PLEKHA5: variants seen among roughly 807,000 people sequenced by gnomAD.
PLEKHA5 encodes the protein pleckstrin homology domain-containing family A member 5.
Under a neutral mutation model 181.9 loss-of-function variants are expected in PLEKHA5, and 55 were observed. The ratio of observed to expected loss-of-function variants is 0.30; its 90% CI spans 0.24 to 0.38. PLEKHA5 has a LOEUF of 0.38. PLEKHA5 is among the 10% of genes least tolerant of loss of function. PLEKHA5 has a pLI of 1.00. For synonymous variants in PLEKHA5, 535 were observed against 529.4 expected (o/e 1.01, Z -0.15); for missense variants, 1,432 against 1,549.5 (o/e 0.92, Z 1.27).
chr12:19,266,491 A>G (rs1418425734), intron 8 of PLEKHA5, among the ~76,000 whole-genome samples: 1 of 152,042 alleles, frequency 6.6e-6, no homozygotes, highest in Non-Finnish European at 1.5e-5. Flanking sequence ...CTCAAAAAAA[A>G]ATTATTAATA....
chr12:19,274,487 T>C, intron 10 of PLEKHA5, 29 bp from the exon 11 acceptor site: 1 of 1,413,110 alleles, frequency 7.1e-7, no homozygotes, highest in Non-Finnish European at 9.9e-7. Flanking sequence ...TTTCATCTGA[T>C]TTACTATGAT....
At chr12:19,367,367 T>A (rs2095457702) in intron 30 of PLEKHA5, among the ~76,000 whole-genome samples, 1 of 144,138 alleles carries the variant, frequency 6.9e-6, no homozygotes, top group Non-Finnish European at 1.5e-5. Flanking sequence ...GCGATTCTCC[T>A]GCCTCAGCCT....
chr12:19,322,768 T>C (rs2091187945), intron 20 of PLEKHA5, 101 bp downstream of exon 20: 1 of 707,880 alleles, frequency 1.4e-6, no homozygotes, highest in African/African-American at 1.8e-5. Context: ...GATTCTTCTA[T>C]ATTATTATAG....
chr12:19,160,171 C>T (rs567915520), intron 3 of PLEKHA5, among the ~76,000 whole-genome samples: 23 of 151,738 alleles, frequency 1.5e-4, no homozygotes, highest in Admixed American at 3.3e-4. Context: ...TCTTTTATTT[C>T]TCTTAAAATG....
At position 19,219,217 on chromosome 12, in the gene PLEKHA5, A is replaced by G. The variant is rs547965285; in HGVS notation, c.228-34723A>G. ...TGCATATGCACTGATTTGGGTTTAC[A>G]CGGGGGTGATGATTTGGATATAGGC... On this transcript the variant is annotated intron_variant, in intron 3 of 31. Coordinates refer to ENST00000429027, the MANE Select transcript of PLEKHA5 (RefSeq NM_001256470.2). 1.6e-3 allele frequency among the ~76,000 whole-genome samples: 250 copies of G among 152,226 alleles called. 3 individuals carry two copies. The highest frequency in any genetic ancestry group is 3.4e-4 in the Non-Finnish European group (23 of 68,010).
intron 16 of PLEKHA5, 174 bp from the exon 17 acceptor site, chr12:19,319,847 T>C: frequency 2.2e-6 from 1 of 446,828 alleles, no homozygotes; most frequent in Non-Finnish European, 4.0e-6. Context: ...GATATTTAAG[T>C]ACACTGAATA....
intron 15 of PLEKHA5, among the ~76,000 whole-genome samples, chr12:19,309,372 A>T (rs1010435064): frequency 2.6e-5 from 4 of 151,920 alleles, no homozygotes; most frequent in Non-Finnish European, 4.4e-5. Flanking sequence ...GAAAAAAAAA[A>T]CTCATCTCTT....
intron 3 of PLEKHA5, among the ~76,000 whole-genome samples, chr12:19,190,601 G>A (rs1030445555): frequency 7.9e-5 from 12 of 152,224 alleles, no homozygotes; most frequent in African/African-American, 2.9e-4. Context: ...TGAAAGCCCA[G>A]CATATCTAAT....
intron 30 of PLEKHA5, among the ~76,000 whole-genome samples, chr12:19,368,516 G>C (rs2095493861): frequency 6.6e-6 from 1 of 152,016 alleles, no homozygotes; most frequent in Admixed American, 6.6e-5. Context: ...TAAATAGCCA[G>C]GCACAGTGGC....
chr12:19,145,472 G>C (rs2038681900), intron 3 of PLEKHA5, among the ~76,000 whole-genome samples: 1 of 151,942 alleles, frequency 6.6e-6, no homozygotes, highest in African/African-American at 2.4e-5. Context: ...TTCTTTCTTT[G>C]CATGTACATA....
intron 29 of PLEKHA5, among the ~76,000 whole-genome samples, chr12:19,362,059 C>T (rs915648560): frequency 6.7e-6 from 1 of 148,578 alleles, no homozygotes; most frequent in Non-Finnish European, 1.5e-5. Context: ...CTAGTCTGTA[C>T]TCGGAGGCTG....
At chr12:19,263,982 A>AT (rs1288259199) in intron 7 of PLEKHA5, among the ~76,000 whole-genome samples, 1 of 152,204 alleles carries the variant, frequency 6.6e-6, no homozygotes, top group African/African-American at 2.4e-5. Context: ...CAGGCTTGAT[A>AT]TAGAACTAAA....
chr12:19,277,899 G>A (rs1414298600), intron 11 of PLEKHA5, among the ~76,000 whole-genome samples: 1 of 152,180 alleles, frequency 6.6e-6, no homozygotes, highest in Non-Finnish European at 1.5e-5. Flanking sequence ...CCATTGTTCT[G>A]CATGGCAGAA....
intron 15 of PLEKHA5, among the ~76,000 whole-genome samples, chr12:19,312,366 C>T (rs1223448854): frequency 6.6e-6 from 1 of 152,190 alleles, no homozygotes; most frequent in Non-Finnish European, 1.5e-5. Context: ...CTATGAAAGT[C>T]CTAGGTGGCA....
intron 3 of PLEKHA5, among the ~76,000 whole-genome samples, chr12:19,180,858 G>T (rs1410931914): frequency 1.3e-5 from 2 of 148,646 alleles, no homozygotes; most frequent in African/African-American, 5.0e-5. Flanking sequence ...ATGCACCTAC[G>T]GCTCCTAAAA....
At chr12:19,344,138 T>TA (rs1257034169) in intron 22 of PLEKHA5, among the ~76,000 whole-genome samples, 1 of 152,194 alleles carries the variant, frequency 6.6e-6, no homozygotes, top group African/African-American at 2.4e-5. Context: ...AAAACATTGG[T>TA]ATGTGGCACA....
At chr12:19,192,867 G>A (rs920067459) in intron 3 of PLEKHA5, among the ~76,000 whole-genome samples, 8 of 152,092 alleles carry the variant, frequency 5.3e-5, no homozygotes, top group Admixed American at 2.0e-4. Context: ...TAATACTTTC[G>A]ATTAGGGGTT....
At chr12:19,259,931 A>G (rs1451102290) in intron 6 of PLEKHA5, among the ~76,000 whole-genome samples, 9 of 152,038 alleles carry the variant, frequency 5.9e-5, no homozygotes, top group African/African-American at 2.2e-4. Context: ...GAAATAATCA[A>G]TGCACATCCA....
At position 19,253,947 on chromosome 12, in the gene PLEKHA5, GA is replaced by G; in HGVS notation, c.238del (p.Arg80GlyfsTer3). On this transcript the variant is annotated frameshift_variant, in exon 4 of 32. Coordinates refer to ENST00000429027, the MANE Select transcript of PLEKHA5 (RefSeq NM_001256470.2). LOFTEE classifies it high-confidence loss of function. ...EGARYYINHN[E>X]RKVTCKHPVT... ...CTTTTTTCCTTTTTTCAGCCATAAT[GA>G]AAGGAAAGTGACCTGCAAACATCCA... The G allele has an allele frequency of 6.3e-7, 1 of 1,592,798 alleles. No individual in the cohort carries two copies. Among genetic ancestry groups the G allele is most frequent in the Non-Finnish European group, 8.6e-7 (1 of 1,166,524 alleles).
Sources: allele counts gnomAD v4.1 joint callset (sites outside exome capture counted in the v4.1 genomes callset), GRCh38; gene constraint gnomAD v4.1.1; transcripts MANE v1.5; gene names NCBI Gene and HGNC (gene_info 2026-07-23, HGNC 2026-07-21).